The following SYTL5 variants were observed in gnomAD, a reference collection of about 807,000 sequenced individuals.
The protein encoded by SYTL5 is synaptotagmin-like protein 5.
In SYTL5, 34 loss-of-function variants were observed where a neutral mutation model predicts 55.9. The observed-to-expected ratio is 0.61, with a 90% CI of 0.46 to 0.81. The LOEUF (loss-of-function observed/expected upper bound fraction) is 0.81. Ranked by LOEUF, SYTL5 falls within the 30% of genes least tolerant of loss-of-function variation. The pLI, the probability that SYTL5 is intolerant of heterozygous loss-of-function variation, is 0.00. For missense variants in SYTL5, 637 were observed against 546.7 expected (o/e 1.17, Z -1.65); for synonymous variants, 221 against 188.7 (o/e 1.17, Z -1.40).
At chrX:38,055,417 C>T (rs1016730012) in intron 3 of SYTL5, among the ~76,000 whole-genome samples, 1 of 111,360 alleles carries the variant, frequency 9.0e-6, no homozygotes, top group Non-Finnish European at 1.9e-5. Context: ...TCTACTGCTC[C>T]CCTCCTTTTG....
intron 4 of SYTL5, 113 bp from the exon 5 acceptor site, chrX:38,073,477 T>C (rs1262559050): frequency 7.6e-6 from 4 of 525,440 alleles, no homozygotes; most frequent in Non-Finnish European, 3.1e-6. Context: ...TTGCCAATTA[T>C]TATAGACTTC....
chrX:38,076,578 G>C lies in SYTL5; in HGVS notation c.566G>C (p.Ser189Thr). The C allele has an allele frequency of 8.4e-7, 1 of 1,197,333 alleles. No homozygotes were observed. Among genetic ancestry groups the C allele is most frequent in the Non-Finnish European group, 1.1e-6 (1 of 885,754 alleles). The change falls in exon 6 of 17, where the codon AGC becomes ACC. Residue 189 changes from serine (S) to threonine (T), a missense_variant. Physicochemically the swap from Ser to Thr is moderately conservative, Grantham distance 58 (BLOSUM62 1). Transcript: ENST00000297875. ...DGPKRKGFLLSKFRSATRGEI... is the reference protein window; with the variant it reads ...DGPKRKGFLLTKFRSATRGEI... ...ATATATAATTTCAGATTTCTTCTTAGCAAGTTCAGATCGGCAACCAGAGGA... is the reference window on the plus strand; with the variant it reads ...ATATATAATTTCAGATTTCTTCTTACCAAGTTCAGATCGGCAACCAGAGGA...
At chrX:37,890,942 C>T in the SYTL5 span, among the ~76,000 whole-genome samples, 1 of 111,587 alleles carries the variant, frequency 9.0e-6, no homozygotes, top group African/African-American at 3.3e-5. Flanking sequence ...GAGGCCAAGA[C>T]AGGAGGATCA....
chrX:37,920,570 G>A, the SYTL5 span, among the ~76,000 whole-genome samples: 4,868 of 110,955 alleles, frequency 0.044, 266 homozygotes, highest in African/African-American at 0.15. Flanking sequence ...TGATCTGCCT[G>A]GATGAGATCA....
At chrX:37,931,444 T>C in the SYTL5 span, among the ~76,000 whole-genome samples, 1 of 111,946 alleles carries the variant, frequency 8.9e-6, no homozygotes, top group East Asian at 2.8e-4. Context: ...TATTTGGTAC[T>C]CTTCTGAAAT....
chrX:37,917,362 T>G, the SYTL5 span, among the ~76,000 whole-genome samples: 1 of 112,059 alleles, frequency 8.9e-6, no homozygotes, highest in Non-Finnish European at 1.9e-5. Context: ...TGTGTTTATT[T>G]ATTCAATAAT....
the SYTL5 span, among the ~76,000 whole-genome samples, chrX:37,890,308 C>G: frequency 9.0e-6 from 1 of 111,460 alleles, no homozygotes; most frequent in Non-Finnish European, 1.9e-5. Flanking sequence ...TTTACTGAGG[C>G]TTCAGAGGAA....
At chrX:37,959,804 C>G in the SYTL5 span, among the ~76,000 whole-genome samples, 2 of 111,907 alleles carry the variant, frequency 1.8e-5, no homozygotes, top group African/African-American at 6.5e-5. Context: ...TTCTGCTCAG[C>G]ATTGCCCTTG....
At chrX:38,004,684 T>A (rs7885704), upstream of SYTL5, among the ~76,000 whole-genome samples, 38,221 of 108,673 alleles carry the variant, frequency 0.35, 5,132 homozygotes, top group Middle Eastern at 0.45. Context: ...AGAAAAAAAA[T>A]TTTGCATATT....
At chrX:37,890,216 A>T in the SYTL5 span, among the ~76,000 whole-genome samples, 8 of 110,848 alleles carry the variant, frequency 7.2e-5, no homozygotes, top group Admixed American at 1.9e-4. Flanking sequence ...GGACTAAAGG[A>T]ACTCCCCAAA....
chrX:37,991,359 G>A, the SYTL5 span: 2 of 871,972 alleles, frequency 2.3e-6, no homozygotes, highest in South Asian at 5.5e-5. Context: ...TGGGTTGTAG[G>A]TGTCTGTAAG....
upstream of SYTL5, among the ~76,000 whole-genome samples, chrX:38,005,551 A>G (rs1933967295): frequency 2.7e-5 from 3 of 111,481 alleles, no homozygotes; most frequent in Non-Finnish European, 5.7e-5. Flanking sequence ...CCACATGGAA[A>G]TTTTAGAGCT....
chrX:38,070,953 A>T (rs916183885), intron 3 of SYTL5, among the ~76,000 whole-genome samples: 4 of 111,820 alleles, frequency 3.6e-5, no homozygotes, highest in African/African-American at 1.3e-4. Context: ...GCTCCTGGAA[A>T]TGGTGAACAA....
At chrX:37,977,924 G>A in the SYTL5 span, among the ~76,000 whole-genome samples, 19,858 of 110,584 alleles carry the variant, frequency 0.18, 1,753 homozygotes, top group Non-Finnish European at 0.26. Flanking sequence ...CACCAAAGGA[G>A]AGAACACCTA....
intron 3 of SYTL5, among the ~76,000 whole-genome samples, chrX:38,065,443 A>G (rs1016947038): frequency 8.9e-6 from 1 of 112,044 alleles, no homozygotes; most frequent in Middle Eastern, 4.2e-3. Flanking sequence ...ATTCGTGAAC[A>G]GTGATTTCTG....
intron 1 of SYTL5, among the ~76,000 whole-genome samples, chrX:38,024,689 TA>T (rs1934693242): frequency 9.0e-6 from 1 of 111,343 alleles, no homozygotes; most frequent in Non-Finnish European, 1.9e-5. Flanking sequence ...ATAGGAATAA[TA>T]GCAATTTGTT....
rs1935721064 is a variant in SYTL5 at position 38,054,501 on chromosome X, A to T, written c.329+79A>T. 4.2e-6 allele frequency: 4 copies of T among 961,776 alleles called. No homozygotes were observed. In the South Asian group the frequency reaches 8.9e-5, roughly 21 times the overall value. 79.3% of individuals were successfully genotyped at this position (961,776 alleles called of 1,213,427 possible). A position where few individuals can be genotyped will look rare whatever the true frequency, so the allele number is the denominator to read the frequency against. ...AGTGGGGAAGGCAAAAGAGAAAAAG[A>T]GTATTTTAAGTTTAAGGATAGAGAG... On this transcript the variant is annotated intron_variant, in intron 3 of 16. Coordinates refer to ENST00000297875, the MANE Select transcript of SYTL5 (RefSeq NM_138780.3).
the SYTL5 span, among the ~76,000 whole-genome samples, chrX:37,893,249 T>C: frequency 2.5e-5 from 2 of 80,613 alleles, no homozygotes; most frequent in Non-Finnish European, 2.1e-5. Context: ...ACTATATATG[T>C]ATATATAACA....
At chrX:37,927,070 G>A in the SYTL5 span, among the ~76,000 whole-genome samples, 1 of 111,777 alleles carries the variant, frequency 8.9e-6, no homozygotes, top group Non-Finnish European at 1.9e-5. Flanking sequence ...ATTGGGGGGT[G>A]AACAAAAGGC....
Sources: gnomAD v4.1 joint callset for allele counts (sites outside exome capture counted in the v4.1 genomes callset) on GRCh38, gnomAD v4.1.1 for gene constraint, MANE v1.5 for transcripts, NCBI Gene and HGNC (gene_info 2026-07-23, HGNC 2026-07-21) for gene names.